Variants in ANXA1 observed in about 807,000 individuals in gnomAD.
ANXA1 encodes annexin I (lipocortin I).
In ANXA1, 39 loss-of-function variants were observed where a neutral mutation model predicts 47.9. That is an observed-to-expected ratio of 0.81 (90% CI 0.63 to 1.06). The LOEUF is 1.06. ANXA1 is among the 50% of genes least tolerant of loss of function. ANXA1 has a pLI of 0.00. For missense variants in ANXA1, 446 were observed against 422.7 expected (o/e 1.06, Z -0.48); for synonymous variants, 146 against 142.5 (o/e 1.02, Z -0.17).
chr9:73,169,598 G>T (rs1376721143), intron 12 of ANXA1, among the ~76,000 whole-genome samples: 2 of 152,024 alleles, frequency 1.3e-5, no homozygotes, highest in African/African-American at 4.8e-5. Context: ...ACAGTCAAGG[G>T]TTTTGGACTT....
chr9:73,166,475 G>C (rs558641755), intron 10 of ANXA1, among the ~76,000 whole-genome samples: 3 of 152,150 alleles, frequency 2.0e-5, no homozygotes, highest in Admixed American at 2.0e-4. Context: ...ACACCACAGA[G>C]GCAATTCAGA....
At chr9:73,161,471 G>A (rs193146818) in intron 6 of ANXA1, among the ~76,000 whole-genome samples, 29 of 152,188 alleles carry the variant, frequency 1.9e-4, no homozygotes, top group Admixed American at 1.8e-3. Flanking sequence ...CTCCAGTGAA[G>A]CATCTCATTT....
At chr9:73,164,039 A>C (rs1208239575) in intron 8 of ANXA1, among the ~76,000 whole-genome samples, 1 of 152,150 alleles carries the variant, frequency 6.6e-6, no homozygotes, top group East Asian at 1.9e-4. Context: ...AGTTTCAGTG[A>C]CATTGCTGAT....
chr9:73,162,743 C>T, intron 6 of ANXA1, 39 bp from the exon 7 acceptor site: 1 of 1,464,670 alleles, frequency 6.8e-7, no homozygotes, highest in African/African-American at 1.4e-5. Flanking sequence ...TATTATTCAT[C>T]ACTGGTTTAC....
intron 8 of ANXA1, among the ~76,000 whole-genome samples, chr9:73,164,520 G>T (rs1824194806): frequency 6.6e-6 from 1 of 151,996 alleles, no homozygotes; most frequent in South Asian, 2.1e-4. Flanking sequence ...GAGGTTACAT[G>T]GATTAGTGTG....
chr9:73,168,559 A>G (rs1824270421), intron 11 of ANXA1: 1 of 152,494 alleles, frequency 6.6e-6, no homozygotes, highest in East Asian at 1.9e-4. Context: ...AACCTTCTCA[A>G]GACAGTAAGT....
intron 1 of ANXA1, among the ~76,000 whole-genome samples, chr9:73,154,811 T>A (rs1415223973): frequency 6.6e-6 from 1 of 152,236 alleles, no homozygotes; most frequent in Non-Finnish European, 1.5e-5. Context: ...GCAGGAAGAC[T>A]GCTTGAAAAT....
At chr9:73,152,283 A>T (rs1298146702) in intron 1 of ANXA1, among the ~76,000 whole-genome samples, 2 of 152,056 alleles carry the variant, frequency 1.3e-5, no homozygotes, top group Non-Finnish European at 2.9e-5. Context: ...TCTTCCCAAG[A>T]GCTGTGTGTT....
intron 9 of ANXA1, 30 bp from the exon 10 acceptor site, chr9:73,166,067 C>A (rs752547254): frequency 1.3e-6 from 2 of 1,512,702 alleles, no homozygotes; most frequent in Non-Finnish European, 9.0e-7. Flanking sequence ...GGATGTTTTG[C>A]ATGTATCTTA....
intron 6 of ANXA1, among the ~76,000 whole-genome samples, chr9:73,161,622 A>G (rs1824144529): frequency 6.6e-6 from 1 of 152,212 alleles, no homozygotes; most frequent in South Asian, 2.1e-4. Context: ...TGATTCTCAT[A>G]CCAAGCATGG....
Position 73,154,029 on chromosome 9 carries a change from A to G in ANXA1, c.-15+2105A>G, listed in dbSNP as rs911972042. ...CAATGCTGATGAGTCACTTAGAAGT[A>G]GCAATTAGTTAGGCAAAGGGAAGTG... On this transcript the variant is annotated intron_variant, in intron 1 of 12. Coordinates refer to ENST00000257497, the MANE Select transcript of ANXA1 (RefSeq NM_000700.3). Among the ~76,000 whole-genome samples, 4 of 152,180 alleles carry G rather than the reference A, an allele frequency of 2.6e-5. No homozygotes were observed. In the East Asian group the frequency reaches 7.7e-4, roughly 29 times the overall value.
chr9:73,167,749 A>G, intron 11 of ANXA1, 194 bp downstream of exon 11: 1 of 533,910 alleles, frequency 1.9e-6, no homozygotes, highest in South Asian at 2.8e-5. Flanking sequence ...TTTTTTTTAC[A>G]GATGAGATTG....
Position 73,170,015 on chromosome 9 carries a change from G to T in ANXA1, c.985-36G>T, listed in dbSNP as rs186704806. 6.6e-6 allele frequency: 10 copies of T among 1,503,816 alleles called. No individual in the cohort carries two copies. The African/African-American group carries it at 7.0e-5, about 11-fold the overall frequency. 93.2% of individuals were successfully genotyped at this position (1,503,816 alleles called of 1,614,324 possible). A position where few individuals can be genotyped will look rare whatever the true frequency, so the allele number is the denominator to read the frequency against. On this transcript the variant is annotated intron_variant, in intron 12 of 12. Coordinates refer to ENST00000257497, the MANE Select transcript of ANXA1 (RefSeq NM_000700.3). ...AAAAAAAATAGAGAATTATGGTTTC[G>T]ACTAACATTAAGTATACCTTTTTTT... is the stretch of plus-strand genomic sequence containing the variant.
In ANXA1 at chr9:73,159,440, A is replaced by T; in HGVS notation, c.270+17A>T. On this transcript the variant is annotated intron_variant, in intron 4 of 12. Coordinates refer to ENST00000257497, the MANE Select transcript of ANXA1 (RefSeq NM_000700.3). Reference sequence around the variant, plus strand: ...ACAGGAAAGGTAAGTTAGAGTGGTAAATTTAGATATTTAATTTCAGCATAG... The same window carrying T: ...ACAGGAAAGGTAAGTTAGAGTGGTATATTTAGATATTTAATTTCAGCATAG... 2 of 1,599,338 alleles carry T rather than the reference A, an allele frequency of 1.3e-6. No homozygotes were observed. The highest frequency in any genetic ancestry group is 1.7e-6 in the Non-Finnish European group (2 of 1,167,374).
At position 73,153,247 on chromosome 9, in the gene ANXA1, G is replaced by C. The variant is rs60403232; in HGVS notation, c.-15+1323G>C. On this transcript the variant is annotated intron_variant, in intron 1 of 12. Coordinates refer to ENST00000257497, the MANE Select transcript of ANXA1 (RefSeq NM_000700.3). ...TATTAAATACTTTTTCAACCAGAAG[G>C]TCTGCAAAGGTTGATTTCTGAATAT... Among the ~76,000 whole-genome samples, 784 of 152,230 alleles carry C rather than the reference G, an allele frequency of 5.2e-3. 8 individuals are homozygous for C. Among genetic ancestry groups the C allele is most frequent in the African/African-American group, 0.018 (750 of 41,534 alleles).
At chr9:73,159,075 C>T (rs1365375022) in intron 3 of ANXA1, among the ~76,000 whole-genome samples, 1 of 152,166 alleles carries the variant, frequency 6.6e-6, no homozygotes, top group Non-Finnish European at 1.5e-5. Context: ...TATAGAGTTG[C>T]AACTAGTATC....
At chr9:73,152,437 T>C (rs1457899288) in intron 1 of ANXA1, among the ~76,000 whole-genome samples, 1 of 152,190 alleles carries the variant, frequency 6.6e-6, no homozygotes, top group Non-Finnish European at 1.5e-5. Flanking sequence ...GATTCAGACC[T>C]CAAAGTGCTA....
At chr9:73,155,973 AC>A (rs1824039586) in intron 1 of ANXA1, among the ~76,000 whole-genome samples, 2 of 150,436 alleles carry the variant, frequency 1.3e-5, no homozygotes, top group South Asian at 4.2e-4. Context: ...TAAAAAAAAA[AC>A]AGTACAGTAA....
intron 1 of ANXA1, among the ~76,000 whole-genome samples, chr9:73,152,526 T>C (rs1823987956): frequency 1.3e-5 from 2 of 152,234 alleles, no homozygotes; most frequent in Non-Finnish European, 2.9e-5. Flanking sequence ...GTCCGCTTAT[T>C]ACTTTTTTCA....
Sources: allele counts gnomAD v4.1 joint callset (sites outside exome capture counted in the v4.1 genomes callset), GRCh38; gene constraint gnomAD v4.1.1; transcripts MANE v1.5; gene names NCBI Gene and HGNC (gene_info 2026-07-23, HGNC 2026-07-21).